The following GOLPH3L variants were observed in gnomAD, a reference collection of about 807,000 sequenced individuals.
GOLPH3L encodes golgi phosphoprotein 3 like, also known as Golgi phosphoprotein 3-like.
GOLPH3L carries 22 observed loss-of-function variants against 30.3 expected under a neutral mutation model. That is an observed-to-expected ratio of 0.73 (90% CI 0.52 to 1.04). The LOEUF (loss-of-function observed/expected upper bound fraction) is 1.04. Among genes scored for constraint, GOLPH3L ranks in the 50% least tolerant of loss-of-function variants. The pLI is 0.00. For missense variants in GOLPH3L, 303 were observed against 345.8 expected, an observed-to-expected ratio of 0.88 and a Z score of 0.98; for synonymous variants, 120 against 128.2, an observed-to-expected ratio of 0.94 and a Z score of 0.43.
chr1:150,679,448 A>C (rs898472914), intron 2 of GOLPH3L, among the ~76,000 whole-genome samples: 7 of 152,232 alleles, frequency 4.6e-5, no homozygotes, highest in Non-Finnish European at 7.3e-5. Flanking sequence ...ACTTAATTGC[A>C]TGCAGTCACA....
At chr1:150,653,186 A>AG (rs1246063214) in intron 4 of GOLPH3L, among the ~76,000 whole-genome samples, 6 of 151,336 alleles carry the variant, frequency 4.0e-5, no homozygotes, top group African/African-American at 1.5e-4. Flanking sequence ...AAAAAAAAAA[A>AG]AAAAGAAAAG....
Position 150,663,378 on chromosome 1 carries a change from A to C in GOLPH3L, c.315+254T>G, listed in dbSNP as rs181522250. Among the ~76,000 whole-genome samples the C allele has an allele frequency of 3.9e-5, 6 of 152,216 alleles. No homozygotes were observed. In the East Asian group the frequency reaches 1.2e-3, roughly 29 times the overall value. ...ATAGCTATAGATATAGGAGGAATTT[A>C]ATCAACAGCATCCTGAGTATGATTT... is the stretch of plus-strand genomic sequence containing the variant. On this transcript the variant is annotated intron_variant, in intron 3 of 4. Transcript: ENST00000271732.
chr1:150,658,627 A>G (rs1391527593), intron 4 of GOLPH3L, among the ~76,000 whole-genome samples: 1 of 152,198 alleles, frequency 6.6e-6, no homozygotes, highest in East Asian at 1.9e-4. Context: ...ATTCTTATGG[A>G]ATCATTACTG....
At chr1:150,666,055 T>C (rs889437196) in intron 2 of GOLPH3L, among the ~76,000 whole-genome samples, 1 of 152,174 alleles carries the variant, frequency 6.6e-6, no homozygotes, top group East Asian at 1.9e-4. Flanking sequence ...GTAGGTGGTG[T>C]ATCTTTTCTT....
chr1:150,675,720 G>A (rs1650759002), intron 2 of GOLPH3L, among the ~76,000 whole-genome samples: 2 of 139,382 alleles, frequency 1.4e-5, no homozygotes, highest in Non-Finnish European at 1.5e-5. Context: ...AGGTTGCAGT[G>A]AGCCAAGCTC....
chr1:150,664,976 T>A (rs12038403), intron 2 of GOLPH3L, among the ~76,000 whole-genome samples: 11,263 of 152,240 alleles, frequency 0.074, 591 homozygotes, highest in East Asian at 0.18. Flanking sequence ...TTAGCTCCCC[T>A]TCCCTTTGTA....
chr1:150,665,056 T>C (rs774698554), intron 2 of GOLPH3L, among the ~76,000 whole-genome samples: 3 of 152,140 alleles, frequency 2.0e-5, no homozygotes, highest in Admixed American at 6.6e-5. Context: ...CTAATGTCTA[T>C]TGAATACTTA....
intron 4 of GOLPH3L, among the ~76,000 whole-genome samples, chr1:150,659,321 C>T (rs1257240406): frequency 6.6e-6 from 1 of 152,172 alleles, no homozygotes; most frequent in Non-Finnish European, 1.5e-5. Flanking sequence ...TTGTGATGGC[C>T]TTGATGCCCA....
In GOLPH3L at chr1:150,661,890, T is replaced by G; in HGVS notation, c.354A>C (p.Leu118Phe). 6.3e-7 allele frequency: 1 copy of G among 1,595,820 alleles called. No individual in the cohort carries two copies. ...LKSDSPTGDV[L>F]LDETLKHIKA... ...TGATGTGTTTCAGAGTTTCATCCAGTAAAACATCACCTGTTGGGCTGTCTG... is the reference window on the plus strand; with the variant it reads ...TGATGTGTTTCAGAGTTTCATCCAGGAAAACATCACCTGTTGGGCTGTCTG... Residue 118 changes from leucine to phenylalanine, a missense_variant, in exon 4 of 5, where the codon TTA becomes TTC. By Grantham distance (22) the Leu-to-Phe change is conservative (BLOSUM62 0). Coordinates refer to ENST00000271732, the MANE Select transcript of GOLPH3L (RefSeq NM_018178.6).
intron 4 of GOLPH3L, among the ~76,000 whole-genome samples, chr1:150,658,015 G>A (rs1650282604): frequency 6.6e-6 from 1 of 152,200 alleles, no homozygotes; most frequent in African/African-American, 2.4e-5. Context: ...ATAATAACTT[G>A]GGGTAGAGGT....
At chr1:150,655,106 T>A (rs587670005) in intron 4 of GOLPH3L, among the ~76,000 whole-genome samples, 2 of 152,230 alleles carry the variant, frequency 1.3e-5, no homozygotes, top group African/African-American at 4.8e-5. Context: ...AAGCTGCTTA[T>A]TGGATGAATC....
chr1:150,663,579 C>T (rs1032295766), intron 3 of GOLPH3L, 53 bp downstream of exon 3: 2 of 1,494,948 alleles, frequency 1.3e-6, no homozygotes, highest in Non-Finnish European at 1.8e-6. Flanking sequence ...CCCAAATGTA[C>T]TGTTGGTATT....
chr1:150,666,080 C>A (rs1336660570), intron 2 of GOLPH3L, among the ~76,000 whole-genome samples: 2 of 151,848 alleles, frequency 1.3e-5, no homozygotes, highest in African/African-American at 4.8e-5. Context: ...CCTTTAAGAT[C>A]TTCTCTTTTG....
chr1:150,652,936 CTTCT>C (rs966410994), intron 4 of GOLPH3L, among the ~76,000 whole-genome samples: 1 of 151,758 alleles, frequency 6.6e-6, no homozygotes, highest in Admixed American at 6.6e-5. Flanking sequence ...GCTTTCTTCT[CTTCT>C]TTAATAATTA....
chr1:150,684,923 C>T (rs1476761867), intron 2 of GOLPH3L, among the ~76,000 whole-genome samples: 1 of 152,132 alleles, frequency 6.6e-6, no homozygotes, highest in African/African-American at 2.4e-5. Flanking sequence ...CCGCCTCGGC[C>T]TCCCAAAGTG....
At chr1:150,691,917 T>G (rs75465611) in intron 2 of GOLPH3L, among the ~76,000 whole-genome samples, 1 of 151,972 alleles carries the variant, frequency 6.6e-6, no homozygotes, top group African/African-American at 2.4e-5. Flanking sequence ...TTTTTTTTTT[T>G]GATGATTCAT....
chr1:150,668,774 A>G (rs1393664562), intron 2 of GOLPH3L, among the ~76,000 whole-genome samples: 1 of 152,134 alleles, frequency 6.6e-6, no homozygotes, highest in Non-Finnish European at 1.5e-5. Context: ...CTACCTAATT[A>G]AAGTTAAACT....
intron 4 of GOLPH3L, among the ~76,000 whole-genome samples, chr1:150,649,072 T>C (rs948391072): frequency 3.3e-5 from 5 of 152,236 alleles, no homozygotes; most frequent in Admixed American, 3.3e-4. Flanking sequence ...AGATGATTTC[T>C]ACTCTATATT....
At chr1:150,659,059 G>C (rs1028474570) in intron 4 of GOLPH3L, among the ~76,000 whole-genome samples, 3 of 152,200 alleles carry the variant, frequency 2.0e-5, no homozygotes, top group African/African-American at 4.8e-5. Flanking sequence ...CATTAAAATG[G>C]ATAAAAACAC....
Sources: allele counts gnomAD v4.1 joint callset (sites outside exome capture counted in the v4.1 genomes callset), GRCh38; gene constraint gnomAD v4.1.1; transcripts MANE v1.5; gene names NCBI Gene and HGNC (gene_info 2026-07-23, HGNC 2026-07-21).